The following CACNG2 variants were observed in gnomAD, a reference collection of about 807,000 sequenced individuals.
CACNG2 encodes the protein voltage-dependent calcium channel gamma-2 subunit.
CACNG2 carries 3 observed loss-of-function variants against 25.9 expected under a neutral mutation model. The observed-to-expected ratio is 0.12, with a 90% CI of 0.05 to 0.30. The LOEUF (loss-of-function observed/expected upper bound fraction) is 0.30. CACNG2 is among the 10% of genes least tolerant of loss of function. The probability of loss-of-function intolerance (pLI) is 1.00; values close to 1 mark genes in which losing one functional copy is unlikely to be tolerated. For synonymous variants in CACNG2, 167 were observed against 173.3 expected, an observed-to-expected ratio of 0.96 and a Z score of 0.29; for missense variants, 341 against 432.5, an observed-to-expected ratio of 0.79 and a Z score of 1.88.
At chr22:36,571,878 A>AAAAC (rs1935233151) in intron 2 of CACNG2, among the ~76,000 whole-genome samples, 1 of 140,538 alleles carries the variant, frequency 7.1e-6, no homozygotes, top group Non-Finnish European at 1.5e-5. Flanking sequence ...TTCTGTCTCA[A>AAAAC]AAACAAAAAA....
At chr22:36,597,168 A>C (rs1935690792) in intron 1 of CACNG2, among the ~76,000 whole-genome samples, 2 of 152,138 alleles carry the variant, frequency 1.3e-5, no homozygotes, top group African/African-American at 4.8e-5. Context: ...GATTACAGGC[A>C]TCAGCCATCA....
chr22:36,680,812 C>T (rs369754641), intron 1 of CACNG2, among the ~76,000 whole-genome samples: 3 of 146,878 alleles, frequency 2.0e-5, no homozygotes, highest in Non-Finnish European at 4.5e-5. Flanking sequence ...ATCACCACCA[C>T]CTTCATGATT....
intron 1 of CACNG2, among the ~76,000 whole-genome samples, chr22:36,687,777 A>T (rs537573085): frequency 6.6e-6 from 1 of 152,144 alleles, no homozygotes; most frequent in East Asian, 1.9e-4. Context: ...GAAGCAGGAG[A>T]ATCACGAGAA....
chr22:36,650,344 C>G (rs548386647), intron 1 of CACNG2, among the ~76,000 whole-genome samples: 2 of 151,708 alleles, frequency 1.3e-5, no homozygotes, highest in Non-Finnish European at 2.9e-5. Flanking sequence ...TGGACTCGCT[C>G]CAAACACACT....
chr22:36,652,273 C>T (rs988608961), intron 1 of CACNG2, among the ~76,000 whole-genome samples: 1 of 152,124 alleles, frequency 6.6e-6, no homozygotes, highest in Non-Finnish European at 1.5e-5. Context: ...CAGCTGGTCT[C>T]CAGGCATGCC....
chr22:36,699,083 C>T (rs1937377267), intron 1 of CACNG2, among the ~76,000 whole-genome samples: 1 of 152,152 alleles, frequency 6.6e-6, no homozygotes, highest in African/African-American at 2.4e-5. Context: ...AGGGCCAATT[C>T]ATCTTTCCAT....
intron 3 of CACNG2, among the ~76,000 whole-genome samples, chr22:36,565,510 GCT>G (rs1053364304): frequency 2.6e-5 from 4 of 151,016 alleles, no homozygotes; most frequent in Non-Finnish European, 4.4e-5. Context: ...ATACAGTCTT[GCT>G]CTGTCACCCA....
chr22:36,590,901 A>G (rs1412181567), intron 1 of CACNG2, among the ~76,000 whole-genome samples: 1 of 151,790 alleles, frequency 6.6e-6, no homozygotes, highest in Non-Finnish European at 1.5e-5. Context: ...TGGCACATGC[A>G]TGCTGGTCCT....
intron 2 of CACNG2, among the ~76,000 whole-genome samples, chr22:36,582,406 C>CTT (rs750246907): frequency 0.072 from 6,934 of 96,634 alleles, 283 homozygotes; most frequent in Middle Eastern, 0.11. Flanking sequence ...CTCTTTCTTT[C>CTT]TTTCTTTTTT....
chr22:36,576,571 T>C (rs55854319), intron 2 of CACNG2, among the ~76,000 whole-genome samples: 62 of 144,730 alleles, frequency 4.3e-4, no homozygotes, highest in Middle Eastern at 3.6e-3. Flanking sequence ...CCTCTGTGTG[T>C]GCGTGTGTGT....
chr22:36,609,773 C>T (rs547976462), intron 1 of CACNG2, among the ~76,000 whole-genome samples: 59 of 149,926 alleles, frequency 3.9e-4, no homozygotes, highest in African/African-American at 1.4e-3. Context: ...AGGCAGGAAT[C>T]AACCCCCCAG....
intron 2 of CACNG2, among the ~76,000 whole-genome samples, chr22:36,581,933 G>A (rs945368421): frequency 2.6e-5 from 4 of 152,170 alleles, no homozygotes; most frequent in African/African-American, 9.7e-5. Context: ...TCAACCTGTT[G>A]TTCCCCCATG....
rs538190446 is a variant in CACNG2 at position 36,703,238 on chromosome 22, A to AGCGGCGGCGGCGGCGGCG, written c.-680_-663dup. 14 of 153,160 alleles carry AGCGGCGGCGGCGGCGGCG rather than the reference A, an allele frequency of 9.1e-5. No homozygotes were observed. The highest frequency in any genetic ancestry group is 3.5e-4 in the African/African-American group (14 of 39,982). 9.5% of individuals were successfully genotyped at this position (153,160 alleles called of 1,614,324 possible). A position where few individuals can be genotyped will look rare whatever the true frequency, so the allele number is the denominator to read the frequency against. On this transcript the variant is annotated 5_prime_UTR_variant, in exon 1 of 4. Transcript: ENST00000300105. ...TCGCTTTCCATGGTTTTGCCCGGGC[A>AGCGGCGGCGGCGGCGGCG]GCGGCGGCGGCGGCGGCGGCGGCGG...
rs1936814890 is a variant in CACNG2, at chr22:36,662,578, CT to C, written c.211+39787del. Among the ~76,000 whole-genome samples the C allele has an allele frequency of 3.9e-5, 6 of 152,340 alleles. No homozygotes were observed. In the South Asian group the frequency reaches 1.2e-3, roughly 32 times the overall value. Reference sequence around the variant, plus strand: ...GTCTCCTTCTCTGTGCCTGACTCAGCTGTGTGTGTTCTTTAAGGCTCAACTC... The same window carrying C: ...GTCTCCTTCTCTGTGCCTGACTCAGCGTGTGTGTTCTTTAAGGCTCAACTC... On this transcript the variant is annotated intron_variant, in intron 1 of 3. Transcript: ENST00000300105.
Position 36,621,533 on chromosome 22 carries a change from G to A in CACNG2, c.212-33985C>T, listed in dbSNP as rs1019228366. On this transcript the variant is annotated intron_variant, in intron 1 of 3. Transcript: ENST00000300105. ...TGCACTGAGCTGAGATGGTGCCACC[G>A]TACTCCAGCCTGGGTGATGAAGTGA... Among the ~76,000 whole-genome samples the A allele has an allele frequency of 5.3e-5, 8 of 149,832 alleles. No homozygotes were observed. In the East Asian group the frequency reaches 9.8e-4, roughly 18 times the overall value.
chr22:36,676,969 T>TGTGTGTGTGTGTGTGTG (rs58195961), intron 1 of CACNG2, among the ~76,000 whole-genome samples: 12 of 151,068 alleles, frequency 7.9e-5, no homozygotes, highest in Non-Finnish European at 1.2e-4. Context: ...TGTGTGTGTG[T>TGTGTGTGTGTGTGTGTG]TTTAAAAATC....
At chr22:36,661,646 G>C (rs937891874) in intron 1 of CACNG2, among the ~76,000 whole-genome samples, 1 of 152,182 alleles carries the variant, frequency 6.6e-6, no homozygotes, top group African/African-American at 2.4e-5. Context: ...TTTGTAATTG[G>C]CTCCATTGCA....
chr22:36,567,323 C>T (rs1935142552), intron 2 of CACNG2, among the ~76,000 whole-genome samples: 1 of 152,128 alleles, frequency 6.6e-6, no homozygotes, highest in African/African-American at 2.4e-5. Flanking sequence ...GGTCGTGAGA[C>T]AAGGACTGTG....
chr22:36,663,199 A>T (rs1936825046), intron 1 of CACNG2, among the ~76,000 whole-genome samples: 1 of 152,130 alleles, frequency 6.6e-6, no homozygotes. Context: ...GGTGCCTGGC[A>T]TGGAGGACGT....
Sources: allele counts gnomAD v4.1 joint callset (sites outside exome capture counted in the v4.1 genomes callset), GRCh38; gene constraint gnomAD v4.1.1; transcripts MANE v1.5; gene names NCBI Gene and HGNC (gene_info 2026-07-23, HGNC 2026-07-21).